Variants in DLGAP1 observed in about 807,000 individuals in gnomAD.
DLGAP1 encodes disks large-associated protein 1.
A neutral mutation model predicts 90.8 loss-of-function variants in DLGAP1; 11 were observed. The observed-to-expected ratio is 0.12, with a 90% CI of 0.08 to 0.20. DLGAP1 has a LOEUF of 0.20. Among genes scored for constraint, DLGAP1 ranks in the 10% least tolerant of loss-of-function variants. The probability of loss-of-function intolerance (pLI) is 1.00; values close to 1 mark genes in which losing one functional copy is unlikely to be tolerated. For missense variants in DLGAP1, 1,050 were observed against 1,333.8 expected (o/e 0.79, Z 3.31); for synonymous variants, 558 against 540.7 (o/e 1.03, Z -0.44).
chr18:4,241,914 ATATT>A (rs2078543030), intron 1 of DLGAP1, among the ~76,000 whole-genome samples: 1 of 152,214 alleles, frequency 6.6e-6, no homozygotes, highest in African/African-American at 2.4e-5. Context: ...AAAATTGTAT[ATATT>A]TATCATGTAC....
At chr18:3,581,814 A>G in intron 8 of DLGAP1, 61 bp downstream of exon 8, 1 of 1,578,972 alleles carries the variant, frequency 6.3e-7, no homozygotes, top group Middle Eastern at 1.9e-4. Context: ...GGGGAAACAA[A>G]AAGTGTTACA....
chr18:3,522,387 T>A (rs954544162), intron 10 of DLGAP1, among the ~76,000 whole-genome samples: 5 of 151,886 alleles, frequency 3.3e-5, no homozygotes, highest in African/African-American at 4.8e-5. Context: ...TCTGCCCACC[T>A]CAGCCTCTCA....
At chr18:4,007,767 C>T (rs1378153253) in intron 2 of DLGAP1, among the ~76,000 whole-genome samples, 1 of 152,234 alleles carries the variant, frequency 6.6e-6, no homozygotes, top group Non-Finnish European at 1.5e-5. Flanking sequence ...GCTTGCTATT[C>T]GGTCATACCA....
In DLGAP1 at chr18:4,182,597, C is replaced by G. The variant is rs1461958654; in HGVS notation, c.-266-31310G>C. On this transcript the variant is annotated intron_variant, in intron 1 of 12. Transcript: ENST00000315677. The stretch of plus-strand genomic sequence containing the variant: ...CACCTCTTTGAAAATTACTCATTCC[C>G]TAGGTATCTTCCATGCGTGTATTAA... Among the ~76,000 whole-genome samples, 3 of 152,098 alleles carry G rather than the reference C, an allele frequency of 2.0e-5. No homozygotes were observed. In the East Asian group the frequency reaches 5.8e-4, roughly 29 times the overall value.
intron 2 of DLGAP1, among the ~76,000 whole-genome samples, chr18:4,066,159 C>G (rs2075367501): frequency 6.6e-6 from 1 of 152,026 alleles, no homozygotes; most frequent in African/African-American, 2.4e-5. Flanking sequence ...CAAAAATCAA[C>G]TCAAGATGGA....
At chr18:3,930,673 G>A (rs574537501) in intron 3 of DLGAP1, among the ~76,000 whole-genome samples, 4 of 152,168 alleles carry the variant, frequency 2.6e-5, no homozygotes, top group South Asian at 4.1e-4. Context: ...GCTCTTCTAC[G>A]GATCCCAAAG....
intron 1 of DLGAP1, among the ~76,000 whole-genome samples, chr18:4,260,930 T>A (rs2078990338): frequency 6.6e-6 from 1 of 152,182 alleles, no homozygotes; most frequent in Admixed American, 6.5e-5. Flanking sequence ...ATCTAGCATT[T>A]TAATTGGCTA....
chr18:4,239,745 T>A lies in DLGAP1; in HGVS notation c.-266-88458A>T, dbSNP rs116191105. Among the ~76,000 whole-genome samples the A allele has an allele frequency of 6.4e-3, 972 of 152,262 alleles. 11 individuals are homozygous for A. Among genetic ancestry groups the A allele is most frequent in the African/African-American group, 0.023 (940 of 41,556 alleles). ...CTATACAGGCCTCCTTAGTTGCCTGTGTGTTGATGGATATTTTCAGAAACA... is the reference window on the plus strand; with the variant it reads ...CTATACAGGCCTCCTTAGTTGCCTGAGTGTTGATGGATATTTTCAGAAACA... On this transcript the variant is annotated intron_variant, in intron 1 of 12. Coordinates refer to ENST00000315677, the MANE Select transcript of DLGAP1 (RefSeq NM_004746.4).
chr18:3,924,938 T>C (rs1428443340), intron 3 of DLGAP1, among the ~76,000 whole-genome samples: 5 of 152,154 alleles, frequency 3.3e-5, no homozygotes, highest in Non-Finnish European at 7.4e-5. Context: ...AGCATTACTT[T>C]ATAAAAGTCA....
At chr18:4,418,311 G>A (rs1345293422) in intron 1 of DLGAP1, among the ~76,000 whole-genome samples, 1 of 151,858 alleles carries the variant, frequency 6.6e-6, no homozygotes, top group African/African-American at 2.4e-5. Flanking sequence ...TATATAGAAA[G>A]GCAAAAAGTA....
At chr18:4,418,483 G>C (rs941572056) in intron 1 of DLGAP1, among the ~76,000 whole-genome samples, 1 of 152,130 alleles carries the variant, frequency 6.6e-6, no homozygotes, top group African/African-American at 2.4e-5. Context: ...AAAAGATCAG[G>C]TTGGAAGTTT....
chr18:4,106,179 T>A (rs1228780730), intron 2 of DLGAP1, among the ~76,000 whole-genome samples: 1 of 152,032 alleles, frequency 6.6e-6, no homozygotes, highest in African/African-American at 2.4e-5. Context: ...AGGAAAAGAT[T>A]GCTCATCTCA....
intron 3 of DLGAP1, among the ~76,000 whole-genome samples, chr18:3,970,746 G>A (rs1329927951): frequency 1.3e-5 from 2 of 150,436 alleles, no homozygotes; most frequent in Non-Finnish European, 2.9e-5. Context: ...AATCATATTA[G>A]AGATATCTTG....
chr18:4,135,686 A>G (rs1417668305), intron 2 of DLGAP1, among the ~76,000 whole-genome samples: 1 of 151,942 alleles, frequency 6.6e-6, no homozygotes, highest in African/African-American at 2.4e-5. Context: ...GTTCCCACAA[A>G]TAAGTGAGAA....
chr18:4,259,308 A>C (rs1202593304), intron 1 of DLGAP1, among the ~76,000 whole-genome samples: 1 of 152,248 alleles, frequency 6.6e-6, no homozygotes, highest in Admixed American at 6.5e-5. Context: ...AATGTGGAAC[A>C]AACTGAAAGA....
intron 7 of DLGAP1, among the ~76,000 whole-genome samples, chr18:3,639,514 G>A (rs1255053279): frequency 1.3e-5 from 2 of 152,124 alleles, no homozygotes; most frequent in Non-Finnish European, 2.9e-5. Flanking sequence ...ATAGCACAGG[G>A]CATTGGCGGT....
chr18:4,169,960 C>T (rs2076995834), intron 1 of DLGAP1, among the ~76,000 whole-genome samples: 1 of 152,182 alleles, frequency 6.6e-6, no homozygotes, highest in Admixed American at 6.5e-5. Context: ...ATAATCCACT[C>T]ACTCTACATT....
At chr18:3,806,306 C>T (rs1039081284) in intron 5 of DLGAP1, among the ~76,000 whole-genome samples, 2 of 152,160 alleles carry the variant, frequency 1.3e-5, no homozygotes, top group Non-Finnish European at 2.9e-5. Context: ...ATAATTTTGA[C>T]CAAAACTATC....
intron 3 of DLGAP1, among the ~76,000 whole-genome samples, chr18:3,965,685 C>T (rs908517615): frequency 3.3e-5 from 5 of 152,104 alleles, no homozygotes; most frequent in African/African-American, 1.2e-4. Context: ...CGGTGACTCA[C>T]ATCTGTAATC....
Sources: gnomAD v4.1 joint callset for allele counts (sites outside exome capture counted in the v4.1 genomes callset) on GRCh38, gnomAD v4.1.1 for gene constraint, MANE v1.5 for transcripts, NCBI Gene and HGNC (gene_info 2026-07-23, HGNC 2026-07-21) for gene names.